Variants in RAB21 observed in about 807,000 individuals in gnomAD.
The protein encoded by RAB21 is ras-related protein Rab-21.
A neutral mutation model predicts 33.1 loss-of-function variants in RAB21; 13 were observed. The ratio of observed to expected loss-of-function variants is 0.39; its 90% CI spans 0.26 to 0.62. The LOEUF (loss-of-function observed/expected upper bound fraction) is 0.62. Ranked by LOEUF, RAB21 falls within the 20% of genes least tolerant of loss-of-function variation. RAB21 has a pLI of 0.48. For synonymous variants in RAB21, 91 were observed against 103.7 expected, an observed-to-expected ratio of 0.88 and a Z score of 0.74; for missense variants, 234 against 279.1, an observed-to-expected ratio of 0.84 and a Z score of 1.15.
rs561250777 is a variant in RAB21, at chr12:71,781,934, C to T, written c.392-97C>T. ...CTGGTGGGGATTTGCATTATTTTTG[C>T]TGGTAATTAAAATGGCAATTTTATA... On this transcript the variant is annotated intron_variant, in intron 4 of 6. Transcript: ENST00000261263. 44 of 848,396 alleles carry T rather than the reference C, an allele frequency of 5.2e-5. No homozygotes were observed. The South Asian group carries it at 7.4e-4, about 14-fold the overall frequency. 52.6% of individuals were successfully genotyped at this position (848,396 alleles called of 1,614,324 possible). A position where few individuals can be genotyped will look rare whatever the true frequency, so the allele number is the denominator to read the frequency against.
In RAB21 at chr12:71,795,890, G is replaced by C. The variant is rs1883460083; in HGVS notation, c.*10217G>C. On this transcript the variant is annotated 3_prime_UTR_variant, in exon 7 of 7. Transcript: ENST00000261263. ...TTCAGTTTTTCAAGATAATTTTGCT[G>C]TTTTTGCTTTTTATTTATTTGCAAC... 3 of 137,740 alleles carry C rather than the reference G, an allele frequency of 2.2e-5. 1 individual carries two copies. Among genetic ancestry groups the C allele is most frequent in the South Asian group, 2.6e-4 (1 of 3,918 alleles). 8.5% of individuals were successfully genotyped at this position (137,740 alleles called of 1,614,324 possible). A position where few individuals can be genotyped will look rare whatever the true frequency, so the allele number is the denominator to read the frequency against.
intron 1 of RAB21, among the ~76,000 whole-genome samples, chr12:71,768,900 A>T (rs1440631558): frequency 6.6e-6 from 1 of 152,204 alleles, no homozygotes; most frequent in Non-Finnish European, 1.5e-5. Flanking sequence ...GTGTATAAAA[A>T]TCAATACATA....
At chr12:71,781,992 A>T (rs1188866543) in intron 4 of RAB21, 39 bp from the exon 5 acceptor site, 1 of 1,445,744 alleles carries the variant, frequency 6.9e-7, no homozygotes, top group Non-Finnish European at 9.5e-7. Flanking sequence ...TATGAAAATA[A>T]ATCAGTATAA....
rs1275327582 is a variant in RAB21, at chr12:71,793,764, TGAA to T, written c.*8094_*8096del. The T allele has an allele frequency of 6.6e-6, 1 of 152,220 alleles. No individual in the cohort carries two copies. The highest frequency in any genetic ancestry group is 1.9e-4 in the East Asian group (1 of 5,198). The allele number at this position is 152,220 out of a possible 1,614,324, so 9.4% of individuals were successfully genotyped here. A position where few individuals can be genotyped will look rare whatever the true frequency, so the allele number is the denominator to read the frequency against. On this transcript the variant is annotated 3_prime_UTR_variant, in exon 7 of 7. Coordinates refer to ENST00000261263, the MANE Select transcript of RAB21 (RefSeq NM_014999.4). ...AGACATAATTTTGGGTGAACTTTCT[TGAA>T]GATGGTCAGAAAGGGCATTGTTAAA...
rs1463361464 is a variant in RAB21, at chr12:71,796,289, A to G, written c.*10616A>G. 1 of 137,748 alleles carries G rather than the reference A, an allele frequency of 7.3e-6. No homozygotes were observed. 8.5% of individuals were successfully genotyped at this position (137,748 alleles called of 1,614,324 possible). A position where few individuals can be genotyped will look rare whatever the true frequency, so the allele number is the denominator to read the frequency against. ...CATGGCCCTGTGAGGGAACTCTACA[A>G]ATTTTATCCATTTTGCTGGGCAGTT... On this transcript the variant is annotated 3_prime_UTR_variant, in exon 7 of 7. Transcript: ENST00000261263.
intron 1 of RAB21, among the ~76,000 whole-genome samples, chr12:71,761,760 G>T (rs898173494): frequency 2.0e-4 from 30 of 152,056 alleles, no homozygotes; most frequent in African/African-American, 7.0e-4. Flanking sequence ...CTTCTTAAAA[G>T]AAAATTTATT....
rs1306379512 is a variant in RAB21 at position 71,794,445 on chromosome 12, T to A, written c.*8772T>A. 1.6e-4 allele frequency: 19 copies of A among 117,300 alleles called. No individual in the cohort carries two copies. Among genetic ancestry groups the A allele is most frequent in the Admixed American group, 1.3e-3 (15 of 11,674 alleles). The allele number at this position is 117,300 out of a possible 1,614,324, so 7.3% of individuals were successfully genotyped here. On this transcript the variant is annotated 3_prime_UTR_variant, in exon 7 of 7. Transcript: ENST00000261263. ...TATATATATTTTTTTTTTTTTTTTT[T>A]TTTTTTTTTTTGAGACGGAGTCTCG...
intron 1 of RAB21, among the ~76,000 whole-genome samples, chr12:71,755,917 A>G (rs1391346932): frequency 6.6e-6 from 1 of 152,200 alleles, no homozygotes; most frequent in Non-Finnish European, 1.5e-5. Flanking sequence ...ATACTGGCCA[A>G]CAATTGGTCC....
chr12:71,761,296 C>T (rs182248959), intron 1 of RAB21, among the ~76,000 whole-genome samples: 1 of 152,294 alleles, frequency 6.6e-6, no homozygotes, highest in Admixed American at 6.5e-5. Flanking sequence ...GTAATCCCAG[C>T]ACTTTGAGAA....
chr12:71,792,306 C>G lies in RAB21; in HGVS notation c.*6633C>G, dbSNP rs1373596564. ...AAAACTTGTAGCGTTCTGGGAAAGT[C>G]AAGTCAAACTCTTGAATGCTATCCT... is the stretch of plus-strand genomic sequence containing the variant. On this transcript the variant is annotated 3_prime_UTR_variant, in exon 7 of 7. Coordinates refer to ENST00000261263, the MANE Select transcript of RAB21 (RefSeq NM_014999.4). 2 of 152,196 alleles carry G rather than the reference C, an allele frequency of 1.3e-5. No individual in the cohort carries two copies. Among genetic ancestry groups the G allele is most frequent in the Non-Finnish European group, 2.9e-5 (2 of 68,040 alleles). 9.4% of individuals were successfully genotyped at this position (152,196 alleles called of 1,614,324 possible).
intron 1 of RAB21, among the ~76,000 whole-genome samples, chr12:71,760,676 G>T (rs1289004492): frequency 6.6e-6 from 1 of 151,978 alleles, no homozygotes; most frequent in Non-Finnish European, 1.5e-5. Flanking sequence ...TCCTCAATTT[G>T]GTGTGCCTTC....
In RAB21 at chr12:71,755,193, G is replaced by C; in HGVS notation, c.64G>C (p.Val22Leu). 6.6e-7 allele frequency: 1 copy of C among 1,523,776 alleles called. No homozygotes were observed. The highest frequency in any genetic ancestry group is 8.8e-7 in the Non-Finnish European group (1 of 1,140,090). The allele number at this position is 1,523,776 out of a possible 1,614,324, so 94.4% of individuals were successfully genotyped here. ...GGCGGGCCGAGCCTACTCGTTCAAG[G>C]TGGTGCTGCTGGGGGAAGGCTGCGT... is the stretch of plus-strand genomic sequence containing the variant. ...AAAGRAYSFK[V>L]VLLGEGCVGK... The change falls in exon 1 of 7, where the codon GTG becomes CTG. Residue 22 changes from valine (V) to leucine (L), a missense_variant. Transcript: ENST00000261263.
chr12:71,782,474 A>T (rs1883215754), intron 5 of RAB21, 96 bp from the exon 6 acceptor site: 1 of 755,490 alleles, frequency 1.3e-6, no homozygotes, highest in Non-Finnish European at 2.1e-6. Context: ...ACTTGAGTAA[A>T]TTAATATGTC....
In RAB21 at chr12:71,770,674, T is replaced by C. The variant is rs1883029630; in HGVS notation, c.302T>C (p.Ile101Thr). The C allele has an allele frequency of 6.3e-7, 1 of 1,595,062 alleles. No homozygotes were observed. The highest frequency in any genetic ancestry group is 8.6e-7 in the Non-Finnish European group (1 of 1,164,582). ...DSNGAILVYDITDEDSFQKVK... is the reference protein window; with the variant it reads ...DSNGAILVYDTTDEDSFQKVK... The stretch of plus-strand genomic sequence containing the variant: ...AATGGAGCGATTTTAGTTTATGACA[T>C]AACAGATGAAGATTCTTTTCAGAAG... Residue 101 changes from isoleucine to threonine, a missense_variant, in exon 3 of 7, where the codon ATA becomes ACA. Transcript: ENST00000261263.
rs781227845 is a variant in RAB21, at chr12:71,782,094, T to C, written c.446+9T>C. ...ATTCAAGAAGCAGAGTCGTAAGTAC[T>C]GTGACCCTCCCATTCCCCATCACTC... On this transcript the variant is annotated intron_variant, in intron 5 of 6. Transcript: ENST00000261263. 1.2e-6 allele frequency: 2 copies of C among 1,604,584 alleles called. No homozygotes were observed. The highest frequency in any genetic ancestry group is 1.1e-5 in the South Asian group (1 of 90,516).
Position 71,791,271 on chromosome 12 carries a change from T to C in RAB21, c.*5598T>C, listed in dbSNP as rs1254388967. 1.3e-5 allele frequency: 2 copies of C among 152,370 alleles called. No homozygotes were observed. Among genetic ancestry groups the C allele is most frequent in the Admixed American group, 1.3e-4 (2 of 15,270 alleles). The allele number at this position is 152,370 out of a possible 1,614,324, so 9.4% of individuals were successfully genotyped here. A position where few individuals can be genotyped will look rare whatever the true frequency, so the allele number is the denominator to read the frequency against. ...CCTCCCAAAGTACTGAGATTACAGA[T>C]GTGAGCCACTAGGCCCAGTCAGTAT... On this transcript the variant is annotated 3_prime_UTR_variant, in exon 7 of 7. Transcript: ENST00000261263.
Position 71,755,156 on chromosome 12 carries a change from CG to C in RAB21, c.31del (p.Ala11ArgfsTer47). The C allele has an allele frequency of 1.5e-6, 2 of 1,290,620 alleles. No individual in the cohort carries two copies. Among genetic ancestry groups the C allele is most frequent in the Non-Finnish European group, 9.8e-7 (1 of 1,018,760 alleles). The allele number at this position is 1,290,620 out of a possible 1,614,324, so 79.9% of individuals were successfully genotyped here. A position where few individuals can be genotyped will look rare whatever the true frequency, so the allele number is the denominator to read the frequency against. The stretch of plus-strand genomic sequence containing the variant: ...TGGCTGCGGCCGGCGGCGGCGGCGG[CG>C]GGGCGGCGGCGGCGGGCCGAGCCTA... MAAAGGGGG[G>X]AAAAGRAYSF... On this transcript the variant is annotated frameshift_variant, in exon 1 of 7. Coordinates refer to ENST00000261263, the MANE Select transcript of RAB21 (RefSeq NM_014999.4). LOFTEE classifies it high-confidence loss of function.
In RAB21 at chr12:71,785,846, T is replaced by G. The variant is rs183116665; in HGVS notation, c.*173T>G. 2 of 633,670 alleles carry G rather than the reference T, an allele frequency of 3.2e-6. No individual in the cohort carries two copies. Among genetic ancestry groups the G allele is most frequent in the African/African-American group, 3.8e-5 (2 of 52,406 alleles). The allele number at this position is 633,670 out of a possible 1,614,324, so 39.3% of individuals were successfully genotyped here. ...ACCTTAAGTGCTAAACTTAGTGGAG[T>G]TTGTGACCAGAGAATTGGCATTTTC... On this transcript the variant is annotated 3_prime_UTR_variant, in exon 7 of 7. Coordinates refer to ENST00000261263, the MANE Select transcript of RAB21 (RefSeq NM_014999.4).
At chr12:71,762,664 C>T (rs1036757713) in intron 1 of RAB21, among the ~76,000 whole-genome samples, 1 of 151,130 alleles carries the variant, frequency 6.6e-6, no homozygotes, top group Non-Finnish European at 1.5e-5. Context: ...TTCACTGCAA[C>T]CTCTGCCCCG....
Sources: gnomAD v4.1 joint callset for allele counts (sites outside exome capture counted in the v4.1 genomes callset) on GRCh38, gnomAD v4.1.1 for gene constraint, MANE v1.5 for transcripts, NCBI Gene and HGNC (gene_info 2026-07-23, HGNC 2026-07-21) for gene names.